Variants in SOS1 observed in about 807,000 individuals in gnomAD.
The protein encoded by SOS1 is son of sevenless homolog 1.
A neutral mutation model predicts 157.6 loss-of-function variants in SOS1; 25 were observed. The ratio of observed to expected loss-of-function variants is 0.16; its 90% CI spans 0.12 to 0.22. The LOEUF is 0.22. Among genes scored for constraint, SOS1 ranks in the 10% least tolerant of loss-of-function variants. The pLI, the probability that SOS1 is intolerant of heterozygous loss-of-function variation, is 1.00. For missense variants in SOS1, 1,237 were observed against 1,599.1 expected (o/e 0.77, Z 3.86); for synonymous variants, 528 against 534.0 (o/e 0.99, Z 0.16).
At chr2:39,026,469 C>T (rs868285630) in intron 8 of SOS1, among the ~76,000 whole-genome samples, 11 of 151,750 alleles carry the variant, frequency 7.2e-5, no homozygotes, top group African/African-American at 2.4e-4. Flanking sequence ...CATATTAATA[C>T]AAAAATCAAA....
In SOS1 at chr2:39,014,800, G is replaced by T; in HGVS notation, c.1905C>A (p.Cys635Ter). ...TAAGACTCAGTAGTTCTTGAGGTTT[G>T]CAAAAGGATCTGTATGTTGTAAGAA... ...RTFLTTYRSF[C>*]KPQELLSLII... The change falls in exon 11 of 23, where the codon TGC becomes TGA. Residue 635 changes from cysteine (C) to a stop codon, truncating the protein, a stop_gained. Coordinates refer to ENST00000402219, the MANE Select transcript of SOS1 (RefSeq NM_005633.4). LOFTEE classifies it high-confidence loss of function. 6.2e-7 allele frequency: 1 copy of T among 1,600,318 alleles called. No homozygotes were observed. The highest frequency in any genetic ancestry group is 8.6e-7 in the Non-Finnish European group (1 of 1,168,142).
intron 8 of SOS1, among the ~76,000 whole-genome samples, chr2:39,027,214 A>G (rs1669993760): frequency 6.6e-6 from 1 of 152,214 alleles, no homozygotes; most frequent in Admixed American, 6.5e-5. Flanking sequence ...AAAAATATTT[A>G]TAAAAGAAAA....
chr2:38,986,473 T>A (rs573240204), intron 22 of SOS1, among the ~76,000 whole-genome samples, 158 bp from the exon 23 acceptor site: 178 of 148,790 alleles, frequency 1.2e-3, no homozygotes, highest in African/African-American at 3.3e-3. Context: ...TAAAAAAAAA[T>A]TTTTTTTTTT....
chr2:39,041,479 GCTGT>G (rs1447359410), intron 6 of SOS1, among the ~76,000 whole-genome samples: 2 of 151,918 alleles, frequency 1.3e-5, no homozygotes, highest in Non-Finnish European at 2.9e-5. Flanking sequence ...CTTTCTGTAG[GCTGT>G]CTTTTGCTTT....
At chr2:39,097,072 T>C (rs972994857) in intron 1 of SOS1, among the ~76,000 whole-genome samples, 31 of 152,148 alleles carry the variant, frequency 2.0e-4, no homozygotes, top group Admixed American at 6.5e-5. Flanking sequence ...AAAATCTCTT[T>C]AAGCTGTAAC....
At chr2:39,056,599 C>G in intron 4 of SOS1, 103 bp downstream of exon 4, 8 of 786,764 alleles carry the variant, frequency 1.0e-5, no homozygotes, top group Non-Finnish European at 1.6e-5. Context: ...TGGAGATATT[C>G]CCCAACACAT....
At chr2:39,012,853 TTAAC>T (rs1440123291) in intron 13 of SOS1, among the ~76,000 whole-genome samples, 1 of 152,190 alleles carries the variant, frequency 6.6e-6, no homozygotes, top group East Asian at 1.9e-4. Flanking sequence ...GTACTATTAT[TTAAC>T]TATTTTCTGA....
chr2:39,036,395 G>A (rs1440936546), intron 6 of SOS1, among the ~76,000 whole-genome samples: 2 of 152,044 alleles, frequency 1.3e-5, no homozygotes, highest in South Asian at 4.2e-4. Context: ...CTGTCACCCA[G>A]GCTAGAGTGC....
chr2:39,057,986 A>C (rs1273337986), intron 3 of SOS1, among the ~76,000 whole-genome samples: 1 of 152,052 alleles, frequency 6.6e-6, no homozygotes, highest in Non-Finnish European at 1.5e-5. Context: ...GATAATAATA[A>C]CTTTGTTGAA....
upstream of SOS1, among the ~76,000 whole-genome samples, chr2:39,123,556 C>T (rs1572909482): frequency 6.6e-6 from 1 of 151,596 alleles, no homozygotes; most frequent in Non-Finnish European, 1.5e-5. Flanking sequence ...TGGGGTTTCG[C>T]TAGGTTGGCC....
chr2:39,027,022 A>T (rs541723813), intron 8 of SOS1, among the ~76,000 whole-genome samples: 5 of 152,208 alleles, frequency 3.3e-5, no homozygotes, highest in Non-Finnish European at 7.3e-5. Flanking sequence ...GAATTTAATC[A>T]CTCAAAAGCA....
chr2:39,072,792 T>G (rs758973550), intron 1 of SOS1, among the ~76,000 whole-genome samples: 4 of 152,168 alleles, frequency 2.6e-5, no homozygotes, highest in Non-Finnish European at 5.9e-5. Flanking sequence ...CATTTTCACA[T>G]CTTAAAATCT....
intron 1 of SOS1, among the ~76,000 whole-genome samples, chr2:39,113,133 T>C (rs983178917): frequency 2.0e-5 from 3 of 152,110 alleles, no homozygotes; most frequent in African/African-American, 7.2e-5. Flanking sequence ...CTTTCCCTCC[T>C]GTATCTCATA....
intron 1 of SOS1, among the ~76,000 whole-genome samples, chr2:39,074,435 C>T (rs538981629): frequency 3.3e-5 from 5 of 151,492 alleles, no homozygotes; most frequent in East Asian, 3.9e-4. Flanking sequence ...ACTTAGCCAG[C>T]CGTGGTGGTG....
intron 10 of SOS1, among the ~76,000 whole-genome samples, chr2:39,018,794 C>A (rs180920423): frequency 1.3e-5 from 2 of 151,838 alleles, no homozygotes; most frequent in African/African-American, 2.4e-5. Flanking sequence ...TGATAATTCT[C>A]CCTTTAATGC....
At chr2:39,073,449 C>T (rs1181528537) in intron 1 of SOS1, among the ~76,000 whole-genome samples, 2 of 152,164 alleles carry the variant, frequency 1.3e-5, no homozygotes. Flanking sequence ...ACAATTAATG[C>T]AAATACTTTA....
At chr2:39,092,771 A>T (rs1437811032) in intron 1 of SOS1, among the ~76,000 whole-genome samples, 1 of 152,252 alleles carries the variant, frequency 6.6e-6, no homozygotes, top group Non-Finnish European at 1.5e-5. Flanking sequence ...GAAATCTGAA[A>T]GCGTGATATG....
chr2:39,089,264 C>G (rs1052834334), intron 1 of SOS1, among the ~76,000 whole-genome samples: 3 of 152,176 alleles, frequency 2.0e-5, no homozygotes, highest in African/African-American at 7.2e-5. Context: ...TGGCCCATAC[C>G]TGTAATCTCA....
intron 1 of SOS1, among the ~76,000 whole-genome samples, chr2:39,115,538 C>A (rs1157497458): frequency 6.6e-6 from 1 of 151,680 alleles, no homozygotes; most frequent in Non-Finnish European, 1.5e-5. Context: ...CCTCAGCCTC[C>A]CAAGCAGCTG....
Sources: gnomAD v4.1 joint callset for allele counts (sites outside exome capture counted in the v4.1 genomes callset) on GRCh38, gnomAD v4.1.1 for gene constraint, MANE v1.5 for transcripts, NCBI Gene and HGNC (gene_info 2026-07-23, HGNC 2026-07-21) for gene names.